The following NCKAP5 variants were observed in gnomAD, a reference collection of about 807,000 sequenced individuals.
The protein encoded by NCKAP5 is nck-associated protein 5.
A neutral mutation model predicts 167.0 loss-of-function variants in NCKAP5; 92 were observed. The ratio of observed to expected loss-of-function variants is 0.55; its 90% confidence interval spans 0.47 to 0.66. The LOEUF is 0.66. Among genes scored for constraint, NCKAP5 ranks in the 30% least tolerant of loss-of-function variants. NCKAP5 has a pLI of 0.00. For missense variants in NCKAP5, 2,378 were observed against 2,315.0 expected, an observed-to-expected ratio of 1.03 and a Z score of -0.56; for synonymous variants, 891 against 877.4, an observed-to-expected ratio of 1.02 and a Z score of -0.27.
At chr2:133,443,435 C>A (rs986526019) in intron 3 of NCKAP5, among the ~76,000 whole-genome samples, 1 of 152,164 alleles carries the variant, frequency 6.6e-6, no homozygotes, top group African/African-American at 2.4e-5. Context: ...CTGGTCATGG[C>A]AATGCACTGA....
At chr2:133,589,883 T>C in the NCKAP5 span, among the ~76,000 whole-genome samples, 1 of 152,224 alleles carries the variant, frequency 6.6e-6, no homozygotes, top group Admixed American at 6.5e-5. Flanking sequence ...CACAAACTGA[T>C]GTAATATCCA....
At chr2:133,556,331 A>G (rs1056317587) in intron 2 of NCKAP5, among the ~76,000 whole-genome samples, 2 of 152,252 alleles carry the variant, frequency 1.3e-5, no homozygotes, top group African/African-American at 4.8e-5. Flanking sequence ...GCCATTTCTA[A>G]TATGATATGG....
At chr2:133,345,418 G>A (rs1683904371) in intron 3 of NCKAP5, among the ~76,000 whole-genome samples, 1 of 152,130 alleles carries the variant, frequency 6.6e-6, no homozygotes, top group African/African-American at 2.4e-5. Context: ...CAAACTAATA[G>A]AGATTTCCCA....
intron 4 of NCKAP5, among the ~76,000 whole-genome samples, chr2:133,266,707 C>T (rs1005603759): frequency 6.6e-6 from 1 of 152,208 alleles, no homozygotes; most frequent in Non-Finnish European, 1.5e-5. Flanking sequence ...GCACCTCGCG[C>T]TCCTCCGCTT....
chr2:133,020,422 G>C (rs1559057544), intron 6 of NCKAP5, among the ~76,000 whole-genome samples: 1 of 152,150 alleles, frequency 6.6e-6, no homozygotes, highest in Non-Finnish European at 1.5e-5. Context: ...AAACAGAAGA[G>C]GAGAATAAAA....
chr2:132,869,463 T>C (rs1016770101), intron 9 of NCKAP5, among the ~76,000 whole-genome samples: 4 of 152,316 alleles, frequency 2.6e-5, no homozygotes, highest in East Asian at 1.9e-4. Context: ...TTCCTATGTG[T>C]CCTGCTTTCA....
chr2:133,347,143 C>T lies in NCKAP5; in HGVS notation c.70-44033G>A, dbSNP rs542139740. 5.9e-5 allele frequency among the ~76,000 whole-genome samples: 9 copies of T among 152,320 alleles called. No individual in the cohort carries two copies. In the South Asian group the frequency reaches 6.2e-4, roughly 11 times the overall value. ...AAGGCTGGAAGGAAATACTCCTAAACGTAGTAATGTTACGGATAATGTATT... is the reference window on the plus strand; with the variant it reads ...AAGGCTGGAAGGAAATACTCCTAAATGTAGTAATGTTACGGATAATGTATT... On this transcript the variant is annotated intron_variant, in intron 3 of 19. Transcript: ENST00000409261.
At chr2:132,728,311 G>A (rs1690659742) in intron 18 of NCKAP5, among the ~76,000 whole-genome samples, 2 of 152,122 alleles carry the variant, frequency 1.3e-5, no homozygotes, top group Non-Finnish European at 2.9e-5. Context: ...TCATCTCAGG[G>A]CAGATGAAGA....
intron 3 of NCKAP5, among the ~76,000 whole-genome samples, chr2:133,447,297 T>A (rs1691258438): frequency 6.6e-6 from 1 of 152,200 alleles, no homozygotes; most frequent in East Asian, 1.9e-4. Flanking sequence ...CAGAGGTAAA[T>A]GTCAAGGTCC....
chr2:132,782,985 G>A lies in NCKAP5; in HGVS notation c.3826C>T (p.His1276Tyr). ...TCTCCTGAGTGTGTACTGAAGCTGT[G>A]GCTGCGGGCTTTGGCGCCATTCATA... is the stretch of plus-strand genomic sequence containing the variant. The part of the protein sequence containing the change: ...LGMNGAKARS[H>Y]SFSTHSGDKP... The change falls in exon 14 of 20, where the codon CAC (histidine) becomes TAC (tyrosine). Residue 1276 changes from histidine (H) to tyrosine (Y), a missense_variant. Around this residue, in one of 3 missense-constraint regions of NCKAP5, gnomAD observed 1,325 missense variants for 1,274.5 expected, o/e 1.04. Coordinates refer to ENST00000409261, the MANE Select transcript of NCKAP5 (RefSeq NM_207363.3). 3 of 1,613,990 alleles carry A rather than the reference G, an allele frequency of 1.9e-6. No individual in the cohort carries two copies. The highest frequency in any genetic ancestry group is 2.5e-6 in the Non-Finnish European group (3 of 1,179,888).
At chr2:133,161,873 C>T (rs2083808520) in intron 5 of NCKAP5, among the ~76,000 whole-genome samples, 1 of 152,180 alleles carries the variant, frequency 6.6e-6, no homozygotes, top group Non-Finnish European at 1.5e-5. Flanking sequence ...ACATCTTCTC[C>T]TATATAGGAT....
intron 2 of NCKAP5, among the ~76,000 whole-genome samples, chr2:133,555,549 G>A (rs1473752785): frequency 6.6e-6 from 1 of 152,210 alleles, no homozygotes; most frequent in African/African-American, 2.4e-5. Context: ...TTCTCACCTT[G>A]TTTCTAAATG....
intron 3 of NCKAP5, among the ~76,000 whole-genome samples, chr2:133,441,311 G>A (rs534301493): frequency 3.4e-4 from 52 of 152,314 alleles, no homozygotes; most frequent in Non-Finnish European, 3.7e-4. Context: ...TAGAATGTTA[G>A]TCTTTTCCAG....
chr2:133,522,275 C>T (rs1327449428), intron 2 of NCKAP5, among the ~76,000 whole-genome samples: 2 of 152,196 alleles, frequency 1.3e-5, no homozygotes, highest in Non-Finnish European at 2.9e-5. Flanking sequence ...GGTACCGCCA[C>T]CTTATCCCTC....
intron 3 of NCKAP5, among the ~76,000 whole-genome samples, chr2:133,360,978 C>T (rs1196889245): frequency 6.6e-6 from 1 of 150,708 alleles, no homozygotes; most frequent in Non-Finnish European, 1.5e-5. Context: ...GGAAGACTCA[C>T]ATGATAGGTG....
At chr2:133,033,880 C>G (rs1573813414) in intron 6 of NCKAP5, among the ~76,000 whole-genome samples, 1 of 151,716 alleles carries the variant, frequency 6.6e-6, no homozygotes, top group Admixed American at 6.6e-5. Context: ...TAGAAAATAG[C>G]CTCAAAAGAA....
intron 10 of NCKAP5, among the ~76,000 whole-genome samples, chr2:132,866,008 G>A (rs968590974): frequency 1.3e-5 from 2 of 152,186 alleles, no homozygotes; most frequent in South Asian, 4.1e-4. Context: ...AGGGGAAATA[G>A]GAATTTGGAG....
At chr2:133,016,542 T>C (rs1443800407) in intron 6 of NCKAP5, among the ~76,000 whole-genome samples, 1 of 152,216 alleles carries the variant, frequency 6.6e-6, no homozygotes, top group Admixed American at 6.5e-5. Flanking sequence ...AAGAAAATGG[T>C]CTTTTGGAAT....
chr2:132,719,256 TA>T (rs985120221), intron 19 of NCKAP5, among the ~76,000 whole-genome samples: 18 of 151,398 alleles, frequency 1.2e-4, no homozygotes, highest in African/African-American at 2.2e-4. Context: ...TGATTGGATT[TA>T]AAAAAAAAAT....
Sources: allele counts gnomAD v4.1 joint callset (sites outside exome capture counted in the v4.1 genomes callset), GRCh38; gene constraint gnomAD v4.1.1; regional missense constraint gnomAD v4.1.1; transcripts MANE v1.5; gene names NCBI Gene and HGNC (gene_info 2026-07-23, HGNC 2026-07-21).